The following KLKB1 variants were observed in gnomAD, a reference collection of about 807,000 sequenced individuals.
KLKB1 encodes the protein plasma kallikrein.
Under a neutral mutation model 73.6 loss-of-function variants are expected in KLKB1, and 58 were observed. The ratio of observed to expected loss-of-function variants is 0.79; its 90% CI spans 0.64 to 0.98. The LOEUF (loss-of-function observed/expected upper bound fraction) is 0.98, where lower values mean the gene tolerates loss of function less well. KLKB1 is among the 50% of genes least tolerant of loss of function. KLKB1 has a pLI of 0.00. For missense variants in KLKB1, 737 were observed against 763.8 expected (o/e 0.96, Z 0.41); for synonymous variants, 280 against 258.1 (o/e 1.08, Z -0.81).
chr4:186,231,025 G>A (rs768179948), intron 2 of KLKB1, among the ~76,000 whole-genome samples: 4 of 152,190 alleles, frequency 2.6e-5, no homozygotes, highest in Non-Finnish European at 5.9e-5. Flanking sequence ...CAGAGAGGGA[G>A]AGAGGCAGTC....
At chr4:186,248,022 C>T (rs369520454) in intron 6 of KLKB1, among the ~76,000 whole-genome samples, 10 of 152,108 alleles carry the variant, frequency 6.6e-5, no homozygotes, top group East Asian at 1.9e-4. Flanking sequence ...CCGAGGCGGG[C>T]GGATCACGGG....
At chr4:186,255,740 C>G (rs1738962536) in intron 12 of KLKB1, among the ~76,000 whole-genome samples, 1 of 152,140 alleles carries the variant, frequency 6.6e-6, no homozygotes, top group South Asian at 2.1e-4. Flanking sequence ...CTTCTAAATG[C>G]TTTTGACCAT....
chr4:186,238,337 A>G lies in KLKB1; in HGVS notation c.570A>G (p.Ser190=), dbSNP rs777198846. The G allele has an allele frequency of 6.2e-7, 1 of 1,612,368 alleles. No homozygotes were observed. The highest frequency in any genetic ancestry group is 8.5e-7 in the Non-Finnish European group (1 of 1,178,416). Residue 190 remains serine, a synonymous_variant, in exon 6 of 15, where the codon TCA becomes TCG. Transcript: ENST00000264690. ...TGAGTAACGTGGAATCTGGATTCTC[A>G]CTGAAGCCCTGTGCCCTTTCAGAAA... ...KVLSNVESGF[S]LKPCALSEIG...
At chr4:186,253,461 G>A (rs1561466278) in intron 11 of KLKB1, among the ~76,000 whole-genome samples, 1 of 152,170 alleles carries the variant, frequency 6.6e-6, no homozygotes, top group Non-Finnish European at 1.5e-5. Context: ...GGTTGGCCTG[G>A]AAGAAAAGTC....
Position 186,232,352 on chromosome 4 carries a change from A to C in KLKB1, c.221+63A>C, listed in dbSNP as rs1446379629. ...TCAAAACTGAATCAGTTTTGTGCAGAAAGGTGTAGTATAACTGAGAGTTCT... is the reference window on the plus strand; with the variant it reads ...TCAAAACTGAATCAGTTTTGTGCAGCAAGGTGTAGTATAACTGAGAGTTCT... On this transcript the variant is annotated intron_variant, in intron 3 of 14. Coordinates refer to ENST00000264690, the MANE Select transcript of KLKB1 (RefSeq NM_000892.5). The C allele has an allele frequency of 2.7e-6, 4 of 1,476,402 alleles. No individual in the cohort carries two copies. In the African/African-American group the frequency reaches 5.6e-5, roughly 20 times the overall value. 91.5% of individuals were successfully genotyped at this position (1,476,402 alleles called of 1,614,324 possible).
Position 186,251,786 on chromosome 4 carries a change from C to T in KLKB1, c.1069C>T (p.Pro357Ser), listed in dbSNP as rs1738690956. Residue 357 changes from proline (P) to serine (S), a missense_variant, in exon 10 of 15, where the codon CCA (proline) becomes TCA (serine). Physicochemically the swap from Pro to Ser is moderately conservative, Grantham distance 74. Coordinates refer to ENST00000264690, the MANE Select transcript of KLKB1 (RefSeq NM_000892.5). ...CTTAAGATTATCTATGGATGGTTCT[C>T]CAACTAGGATTGCGTATGGGACACA... ...CFLRLSMDGSPTRIAYGTQGS... is the reference protein window; with the variant it reads ...CFLRLSMDGSSTRIAYGTQGS... 6.2e-7 allele frequency: 1 copy of T among 1,613,932 alleles called. No homozygotes were observed.
intron 7 of KLKB1, 143 bp downstream of exon 7, chr4:186,250,545 G>A (rs1050620407): frequency 4.0e-5 from 35 of 876,372 alleles, no homozygotes; most frequent in Non-Finnish European, 6.4e-5. Context: ...GTTTCAGTAG[G>A]TACTGTTCTG....
At position 186,258,447 on chromosome 4, in the gene KLKB1, T is replaced by C. The variant is rs910469783; in HGVS notation, c.*235T>C. 6 of 573,926 alleles carry C rather than the reference T, an allele frequency of 1.0e-5. No homozygotes were observed. In the Admixed American group the frequency reaches 1.8e-4, roughly 17 times the overall value. The allele number at this position is 573,926 out of a possible 1,614,324, so 35.6% of individuals were successfully genotyped here. ...AACTGAGATCTCCATGACTGTGTGTTGTGAAATAAAATGGTGAAAGATCAC... is the reference window on the plus strand; with the variant it reads ...AACTGAGATCTCCATGACTGTGTGTCGTGAAATAAAATGGTGAAAGATCAC... On this transcript the variant is annotated 3_prime_UTR_variant, in exon 15 of 15. Transcript: ENST00000264690.
chr4:186,214,847 A>G (rs909123682), intron 2 of KLKB1, among the ~76,000 whole-genome samples: 1 of 152,176 alleles, frequency 6.6e-6, no homozygotes, highest in Admixed American at 6.5e-5. Flanking sequence ...GGCTGAATTC[A>G]GTTTTGGAAT....
intron 5 of KLKB1, 141 bp from the exon 6 acceptor site, chr4:186,238,115 G>A (rs1737791910): frequency 4.3e-6 from 3 of 694,078 alleles, no homozygotes; most frequent in Admixed American, 2.1e-5. Context: ...ATGTCCATTA[G>A]GTTAATAATG....
intron 11 of KLKB1, among the ~76,000 whole-genome samples, chr4:186,252,654 A>G (rs577362745): frequency 8.0e-6 from 1 of 124,890 alleles, no homozygotes; most frequent in Admixed American, 7.9e-5. Context: ...CCCGCCACCA[A>G]TCCCACCACC....
chr4:186,218,470 G>A (rs1244701160), intron 2 of KLKB1, among the ~76,000 whole-genome samples: 1 of 152,080 alleles, frequency 6.6e-6, no homozygotes, highest in African/African-American at 2.4e-5. Flanking sequence ...AATGAAATTA[G>A]GGTCCTTTTG....
At chr4:186,251,699 T>C (rs1298725631) in intron 9 of KLKB1, 50 bp downstream of exon 9, 9 of 1,607,026 alleles carry the variant, frequency 5.6e-6, no homozygotes, top group Non-Finnish European at 7.7e-6. Flanking sequence ...CATTTCATAT[T>C]CTCTTTCCCC....
chr4:186,248,235 A>G (rs906219260), intron 6 of KLKB1, among the ~76,000 whole-genome samples: 3 of 151,932 alleles, frequency 2.0e-5, no homozygotes, highest in Admixed American at 6.6e-5. Context: ...GCGACAGAGC[A>G]AGACTCCATC....
intron 2 of KLKB1, among the ~76,000 whole-genome samples, chr4:186,216,443 T>A (rs1357538510): frequency 6.6e-6 from 1 of 151,900 alleles, no homozygotes; most frequent in East Asian, 1.9e-4. Flanking sequence ...CAAAGAATGG[T>A]GAAGAGACAG....
At chr4:186,248,074 T>C (rs1738474486) in intron 6 of KLKB1, among the ~76,000 whole-genome samples, 1 of 152,026 alleles carries the variant, frequency 6.6e-6, no homozygotes, top group Admixed American at 6.6e-5. Flanking sequence ...GGTGAAGCCC[T>C]ATCTGTACTA....
intron 2 of KLKB1, among the ~76,000 whole-genome samples, chr4:186,215,437 CCTTG>C (rs1408493409): frequency 6.8e-6 from 1 of 146,770 alleles, no homozygotes; most frequent in Non-Finnish European, 1.5e-5. Context: ...CTCTCTCTCT[CCTTG>C]CTTGCTTGCT....
rs1036223969 is a variant in KLKB1, at chr4:186,216,382, G to A, written c.201+7110G>A. Among the ~76,000 whole-genome samples the A allele has an allele frequency of 2.6e-5, 4 of 152,208 alleles. No individual in the cohort carries two copies. In the South Asian group the frequency reaches 8.3e-4, roughly 32 times the overall value. On this transcript the variant is annotated intron_variant, in intron 2 of 14. Transcript: ENST00000511608. ...GGCGTCTGAAAAACAACAGAGAAAT[G>A]GACAAGGAGGTAACAGAATGGCAGG...
At chr4:186,246,095 G>A (rs1191898185) in intron 6 of KLKB1, among the ~76,000 whole-genome samples, 1 of 152,042 alleles carries the variant, frequency 6.6e-6, no homozygotes, top group African/African-American at 2.4e-5. Context: ...GGCAGGTGGG[G>A]GAGGGCTAGT....
Sources: allele counts gnomAD v4.1 joint callset (sites outside exome capture counted in the v4.1 genomes callset), GRCh38; gene constraint gnomAD v4.1.1; transcripts MANE v1.5; gene names NCBI Gene and HGNC (gene_info 2026-07-23, HGNC 2026-07-21).